HMGN1: variants seen among roughly 807,000 people sequenced by gnomAD.
The protein encoded by HMGN1 is non-histone chromosomal protein HMG-14.
In HMGN1, 9 loss-of-function variants were observed where a neutral mutation model predicts 18.4. That is an observed-to-expected ratio of 0.49 (90% CI 0.29 to 0.85). The LOEUF (loss-of-function observed/expected upper bound fraction) is 0.85. HMGN1 is among the 40% of genes least tolerant of loss of function. The pLI, the probability that HMGN1 is intolerant of heterozygous loss-of-function variation, is 0.07. For synonymous variants in HMGN1, 59 were observed against 45.0 expected (o/e 1.31, Z -1.24); for missense variants, 151 against 119.2 (o/e 1.27, Z -1.24).
chr21:39,348,519 A>C (rs1569010655), intron 2 of HMGN1, 26 bp downstream of exon 2: 2 of 1,609,848 alleles, frequency 1.2e-6, no homozygotes, highest in South Asian at 1.1e-5. Flanking sequence ...GAAACCCACC[A>C]CCCCCCGCAG....
chr21:39,346,139 C>T (rs1601553987), intron 4 of HMGN1: 3 of 378,100 alleles, frequency 7.9e-6, no homozygotes, highest in East Asian at 1.4e-4. Context: ...TAGCCCCCAG[C>T]GGGTGGTATA....
rs571710056 is a variant in HMGN1, at chr21:39,345,139, T to G, written c.255+7A>C. The G allele has an allele frequency of 1.2e-5, 14 of 1,206,716 alleles. No homozygotes were observed. The highest frequency in any genetic ancestry group is 1.6e-5 in the Non-Finnish European group (14 of 891,676). The allele number at this position is 1,206,716 out of a possible 1,614,324, so 74.8% of individuals were successfully genotyped here. On this transcript the variant is annotated splice_region_variant and intron_variant, in intron 5 of 5. Transcript: ENST00000380749. ...CACACACACACACACACACACACAC[T>G]TCTGACCTCCTCAGTCTTCGTTTCC... is the stretch of plus-strand genomic sequence containing the variant.
chr21:39,345,158 C>A lies in HMGN1; in HGVS notation c.243G>T (p.Thr81=). 6.3e-7 allele frequency: 1 copy of A among 1,587,764 alleles called. No individual in the cohort carries two copies. Among genetic ancestry groups the A allele is most frequent in the Non-Finnish European group, 8.6e-7 (1 of 1,165,554 alleles). The part of the protein sequence containing the change: ...KEDLPAENGE[T]KTEESPASDE... Reference sequence around the variant, plus strand: ...ACACACTTCTGACCTCCTCAGTCTTCGTTTCCCCGTTTTCCGCAGGTAAGT... The same window carrying A: ...ACACACTTCTGACCTCCTCAGTCTTAGTTTCCCCGTTTTCCGCAGGTAAGT... Residue 81 remains threonine (T), a synonymous_variant, in exon 5 of 6, where the codon ACG becomes ACT. Transcript: ENST00000380749.
In HMGN1 at chr21:39,347,596, C is replaced by G. The variant is rs1299717605; in HGVS notation, c.126+696G>C. On this transcript the variant is annotated intron_variant, in intron 4 of 5. Coordinates refer to ENST00000380749, the MANE Select transcript of HMGN1 (RefSeq NM_004965.7). ...ATCACCCCGCGAAGAACATGTAGAG[C>G]TTTACAGGTTTCAATGCTATATCCA... 4 of 447,682 alleles carry G rather than the reference C, an allele frequency of 8.9e-6. No individual in the cohort carries two copies. In the East Asian group the frequency reaches 2.8e-4, roughly 31 times the overall value. 27.7% of individuals were successfully genotyped at this position (447,682 alleles called of 1,614,324 possible).
chr21:39,345,766 T>C (rs2037029701), intron 4 of HMGN1: 1 of 1,242,640 alleles, frequency 8.0e-7, no homozygotes, highest in African/African-American at 1.5e-5. Context: ...CATCCCCAAA[T>C]TTGTTGTGAA....
rs181746197 is a variant in HMGN1 at position 39,346,268 on chromosome 21, T to C, written c.127-994A>G. ...AAAATCACTGCAGGGTGTTCTGTAC[T>C]AATAGTAGGATTCCACAGACAGCAT... On this transcript the variant is annotated intron_variant, in intron 4 of 5. Coordinates refer to ENST00000380749, the MANE Select transcript of HMGN1 (RefSeq NM_004965.7). 53 of 286,482 alleles carry C rather than the reference T, an allele frequency of 1.9e-4. No individual in the cohort carries two copies. In the East Asian group the frequency reaches 4.8e-3, roughly 26 times the overall value. 17.7% of individuals were successfully genotyped at this position (286,482 alleles called of 1,614,324 possible).
In HMGN1 at chr21:39,345,205, C is replaced by T; in HGVS notation, c.196G>A (p.Ala66Thr). Reference sequence around the variant, plus strand: ...AAGTCTTCTTTAGTTTCTTGGTTAGCCACTTCGGCCTGTTTTCCCTTTGCT... The same window carrying T: ...AAGTCTTCTTTAGTTTCTTGGTTAGTCACTTCGGCCTGTTTTCCCTTTGCT... The part of the protein sequence containing the change: ...RGAKGKQAEV[A>T]NQETKEDLPA... Residue 66 changes from alanine to threonine, a missense_variant, in exon 5 of 6, where the codon GCT becomes ACT. Transcript: ENST00000380749. 1 of 1,613,420 alleles carries T rather than the reference C, an allele frequency of 6.2e-7. No individual in the cohort carries two copies. The highest frequency in any genetic ancestry group is 8.5e-7 in the Non-Finnish European group (1 of 1,179,910).
rs2037133862 is a variant in HMGN1 at position 39,348,317 on chromosome 21, G to A, written c.101C>T (p.Ala34Val). 4 of 1,613,982 alleles carry A rather than the reference G, an allele frequency of 2.5e-6. No homozygotes were observed. Among genetic ancestry groups the A allele is most frequent in the Non-Finnish European group, 3.4e-6 (4 of 1,180,014 alleles). ...LSAKPPAKVEAKPKKAAAKDK... is the reference protein window; with the variant it reads ...LSAKPPAKVEVKPKKAAAKDK... ...CTTCGCTGCTGCCTTTTTCGGCTTC[G>A]CTTCCACTTTTGCAGGAGGTTTCTG... Residue 34 changes from alanine to valine, a missense_variant, in exon 4 of 6, where the codon GCG (alanine) becomes GTG (valine). Physicochemically the swap from Ala to Val is moderately conservative, Grantham distance 64 (BLOSUM62 0). Transcript: ENST00000380749.
intron 5 of HMGN1, 67 bp from the exon 6 acceptor site, chr21:39,343,226 TCAG>T: frequency 7.0e-7 from 1 of 1,428,520 alleles, no homozygotes; most frequent in South Asian, 1.2e-5. Flanking sequence ...TATGCAACTA[TCAG>T]GTCTTTAAAA....
chr21:39,343,864 GA>G (rs926661900), intron 5 of HMGN1, among the ~76,000 whole-genome samples: 11 of 152,284 alleles, frequency 7.2e-5, no homozygotes, highest in African/African-American at 2.6e-4. Flanking sequence ...ACTGTAATTT[GA>G]TAACATGTAC....
At chr21:39,347,516 AT>A (rs1258851732) in intron 4 of HMGN1, 78 of 997,826 alleles carry the variant, frequency 7.8e-5, no homozygotes, top group East Asian at 1.2e-4. Flanking sequence ...ATTAACAAAA[AT>A]TTTTTTTGAG....
chr21:39,348,709 G>T, intron 1 of HMGN1, 132 bp from the exon 2 acceptor site: 1 of 1,191,376 alleles, frequency 8.4e-7, no homozygotes, highest in Non-Finnish European at 1.1e-6. Context: ...AGCCCCCTCA[G>T]CTCCCCCGGC....
At chr21:39,345,317 C>T (rs768237103) in intron 4 of HMGN1, 43 bp from the exon 5 acceptor site, 2 of 1,571,862 alleles carry the variant, frequency 1.3e-6, no homozygotes, top group African/African-American at 2.7e-5. Context: ...TGCTTTACTC[C>T]TTATTTACAT....
At position 39,348,565 on chromosome 21, in the gene HMGN1, C is replaced by T. The variant is rs1234463105; in HGVS notation, c.28G>A (p.Glu10Lys). MPKRKVSSA[E>K]GAAKEEPKRR... ...CTCACCTCTTCCTTGGCGGCGCCTT[C>T]GGCGGAGCTGACCTGCGGAGACGGA... is the stretch of plus-strand genomic sequence containing the variant. The change falls in exon 2 of 6, where the codon GAA (glutamate) becomes AAA (lysine). Residue 10 changes from glutamate (E) to lysine (K), a missense_variant. Physicochemically the swap from Glu to Lys is moderately conservative, Grantham distance 56 (BLOSUM62 1). Coordinates refer to ENST00000380749, the MANE Select transcript of HMGN1 (RefSeq NM_004965.7). 6.3e-7 allele frequency: 1 copy of T among 1,586,108 alleles called. No homozygotes were observed.
intron 4 of HMGN1, chr21:39,346,173 A>C: frequency 2.8e-6 from 1 of 353,914 alleles, no homozygotes; most frequent in South Asian, 2.2e-5. Flanking sequence ...GATACTGACC[A>C]ATTACTTGAA....
At chr21:39,346,233 C>A (rs934565448) in intron 4 of HMGN1, 5 of 339,340 alleles carry the variant, frequency 1.5e-5, no homozygotes, top group Non-Finnish European at 2.9e-5. Context: ...TCAATGCTAA[C>A]ACGGGCGGAA....
intron 4 of HMGN1, 145 bp downstream of exon 4, chr21:39,348,147 T>G: frequency 9.4e-7 from 1 of 1,066,152 alleles, no homozygotes; most frequent in East Asian, 2.6e-5. Context: ...CCATTACATT[T>G]TTGCCTCGAC....
At chr21:39,348,118 T>C in intron 4 of HMGN1, 174 bp downstream of exon 4, 2 of 922,764 alleles carry the variant, frequency 2.2e-6, no homozygotes, top group Non-Finnish European at 3.2e-6. Flanking sequence ...TATAGTTCTA[T>C]AAACCAGGAT....
At chr21:39,348,129 GA>G in intron 4 of HMGN1, 162 bp downstream of exon 4, 1 of 949,238 alleles carries the variant, frequency 1.1e-6, no homozygotes, top group Non-Finnish European at 1.6e-6. Context: ...AAACCAGGAT[GA>G]ATATATCCAT....
Sources: allele counts gnomAD v4.1 joint callset (sites outside exome capture counted in the v4.1 genomes callset), GRCh38; gene constraint gnomAD v4.1.1; transcripts MANE v1.5; gene names NCBI Gene and HGNC (gene_info 2026-07-23, HGNC 2026-07-21).